The following DHX37 variants were observed in gnomAD, a reference collection of about 807,000 sequenced individuals.
The protein encoded by DHX37 is probable ATP-dependent RNA helicase DHX37.
Under a neutral mutation model 134.3 loss-of-function variants are expected in DHX37, and 52 were observed. The ratio of observed to expected loss-of-function variants is 0.39; its 90% CI spans 0.31 to 0.49. The LOEUF (loss-of-function observed/expected upper bound fraction) is 0.49. Among genes scored for constraint, DHX37 ranks in the 20% least tolerant of loss-of-function variants. The pLI is 0.93. For missense variants in DHX37, 1,344 were observed against 1,580.8 expected, an observed-to-expected ratio of 0.85 and a Z score of 2.54; for synonymous variants, 634 against 670.7, an observed-to-expected ratio of 0.95 and a Z score of 0.85.
chr12:124,966,747 CA>C, intron 12 of DHX37, 45 bp downstream of exon 12: 1 of 1,592,024 alleles, frequency 6.3e-7, no homozygotes, highest in South Asian at 1.1e-5. Context: ...CCATCCTGGA[CA>C]ACGCAGCCTT....
Position 124,950,520 on chromosome 12 carries a change from G to T in DHX37, c.3014C>A (p.Pro1005Gln). 1 of 1,563,402 alleles carries T rather than the reference G, an allele frequency of 6.4e-7. No individual in the cohort carries two copies. The highest frequency in any genetic ancestry group is 1.2e-5 in the South Asian group (1 of 83,418). Residue 1005 changes from proline (P) to glutamine (Q), a missense_variant, in exon 23 of 27, where the codon CCG (proline) becomes CAG (glutamine). Physicochemically the swap from Pro to Gln is moderately conservative, Grantham distance 76 (BLOSUM62 -1). Transcript: ENST00000308736. Reference sequence around the variant, plus strand: ...CTGGCAGTAAGAGGGCAGCAGGGCCGGGATCCACTGGACCTCCACGCTAGA... The same window carrying T: ...CTGGCAGTAAGAGGGCAGCAGGGCCTGGATCCACTGGACCTCCACGCTAGA... ...GVSSVEVQWI[P>Q]ALLPSYCQFD...
rs770948523 is a variant in DHX37, at chr12:124,966,786, C to T, written c.1590+7G>A. 5 of 1,614,242 alleles carry T rather than the reference C, an allele frequency of 3.1e-6. 1 individual carries two copies. In the African/African-American group the frequency reaches 4.0e-5, roughly 13 times the overall value. On this transcript the variant is annotated splice_region_variant and intron_variant, in intron 12 of 26. Coordinates refer to ENST00000308736, the MANE Select transcript of DHX37 (RefSeq NM_032656.4). ...TCTCCAGGAGTCCCTGCCAGCCCCC[C>T]ACGTACCTCAGCCCGCGCCTTCTTG...
At chr12:124,960,128 T>C (rs1217712051) in intron 16 of DHX37, among the ~76,000 whole-genome samples, 184 bp downstream of exon 16, 1 of 152,202 alleles carries the variant, frequency 6.6e-6, no homozygotes, top group Non-Finnish European at 1.5e-5. Flanking sequence ...CCACGGGCGA[T>C]GCAGCACTGG....
At position 124,965,809 on chromosome 12, in the gene DHX37, G is replaced by T. The variant is rs756105103; in HGVS notation, c.1594C>A (p.Leu532Met). The change falls in exon 13 of 27, where the codon CTG becomes ATG. Residue 532 changes from leucine (L) to methionine (M), a missense_variant. Leu to Met is a conservative substitution (Grantham distance 15, BLOSUM62 2). Coordinates refer to ENST00000308736, the MANE Select transcript of DHX37 (RefSeq NM_032656.4). ...TAATGATCCAAGTTGATCTGGGGCA[G>T]CACCTACGGCGAACAAGACATAGAC... The part of the protein sequence containing the change: ...ARAKKARAEV[L>M]PQINLDHYSV... The T allele has an allele frequency of 3.7e-6, 6 of 1,613,020 alleles. No individual in the cohort carries two copies. The highest frequency in any genetic ancestry group is 8.5e-7 in the Non-Finnish European group (1 of 1,179,426).
chr12:124,955,047 G>A (rs1018551895), intron 18 of DHX37, among the ~76,000 whole-genome samples: 2 of 152,238 alleles, frequency 1.3e-5, no homozygotes, highest in African/African-American at 2.4e-5. Flanking sequence ...CTAGCATCAC[G>A]TGGGAGTCTT....
At chr12:124,974,924 G>C (rs770545673) in intron 6 of DHX37, among the ~76,000 whole-genome samples, 2 of 152,048 alleles carry the variant, frequency 1.3e-5, no homozygotes, top group Non-Finnish European at 2.9e-5. Flanking sequence ...TTACAGGCAT[G>C]TGCCACCACA....
chr12:124,952,690 A>T (rs6488960), intron 20 of DHX37, 120 bp from the exon 21 acceptor site: 1 of 1,114,326 alleles, frequency 9.0e-7, no homozygotes, highest in Non-Finnish European at 1.2e-6. Flanking sequence ...GCTTGTCTCA[A>T]CCCCTCCCCA....
Position 124,965,760 on chromosome 12 carries a change from C to T in DHX37, c.1643G>A (p.Gly548Asp). ...CACTTCTGCCTCCCTGTCCTCATCG[C>T]CTTCGCCTGCCGGTAACACCGAGTA... Reference protein sequence around the residue: ...DHYSVLPAGEGDEDREAEVDE... With the variant: ...DHYSVLPAGEDDEDREAEVDE... Residue 548 changes from glycine to aspartate, a missense_variant, in exon 13 of 27, where the codon GGC (glycine) becomes GAC (aspartate). Gly to Asp is a moderately conservative substitution (Grantham distance 94). This residue lies in a region of DHX37 where 289 missense variants were observed against 323.8 expected (regional missense o/e 0.89). Coordinates refer to ENST00000308736, the MANE Select transcript of DHX37 (RefSeq NM_032656.4). 6.2e-7 allele frequency: 1 copy of T among 1,613,740 alleles called. No individual in the cohort carries two copies. Among genetic ancestry groups the T allele is most frequent in the Non-Finnish European group, 8.5e-7 (1 of 1,179,926 alleles).
chr12:124,956,317 C>A (rs562200928), intron 18 of DHX37, among the ~76,000 whole-genome samples: 1 of 152,184 alleles, frequency 6.6e-6, no homozygotes, highest in Non-Finnish European at 1.5e-5. Context: ...CAGAAATGAC[C>A]CCTTTTATCA....
chr12:124,975,596 G>T lies in DHX37; in HGVS notation c.888-85C>A, dbSNP rs1954622189. The T allele has an allele frequency of 4.1e-6, 6 of 1,451,074 alleles. No individual in the cohort carries two copies. The South Asian group carries it at 7.1e-5, about 17-fold the overall frequency. The allele number at this position is 1,451,074 out of a possible 1,614,324, so 89.9% of individuals were successfully genotyped here. A position where few individuals can be genotyped will look rare whatever the true frequency, so the allele number is the denominator to read the frequency against. ...CTCATGCAGTTCCACAGCAAGATTT[G>T]CCATACTGACCTGGCGCTCACCCAG... On this transcript the variant is annotated intron_variant, in intron 5 of 26. Transcript: ENST00000308736.
chr12:124,953,724 G>C, intron 20 of DHX37, 156 bp downstream of exon 20: 1 of 1,312,040 alleles, frequency 7.6e-7, no homozygotes. Context: ...CCTTGTTCCT[G>C]GAAAAGCTCC....
chr12:124,987,342 CAAAT>C (rs1247502413), intron 1 of DHX37, among the ~76,000 whole-genome samples: 1 of 152,192 alleles, frequency 6.6e-6, no homozygotes, highest in African/African-American at 2.4e-5. Flanking sequence ...GGCTCCATCT[CAAAT>C]AAATAAATAA....
rs1287568026 is a variant in DHX37, at chr12:124,954,159, C to A, written c.2506G>T (p.Val836Leu). The change falls in exon 19 of 27, where the codon GTG (valine) becomes TTG (leucine). Residue 836 changes from valine to leucine, a missense_variant. This residue lies in a region of DHX37 where 558 missense variants were observed against 650.0 expected (regional missense o/e 0.86). Coordinates refer to ENST00000308736, the MANE Select transcript of DHX37 (RefSeq NM_032656.4). ...LTRLKSKRAR[V>L]AQMKRTWAGQ... is the part of the protein sequence containing the mutation. ...GCCCAGGTCCTCTTCATCTGGGCCA[C>A]CCGGGCCCGCTTGCTCTTCAGCCTG... 14 of 1,612,230 alleles carry A rather than the reference C, an allele frequency of 8.7e-6. No homozygotes were observed. Among genetic ancestry groups the A allele is most frequent in the Non-Finnish European group, 1.2e-5 (14 of 1,179,292 alleles).
Position 124,950,447 on chromosome 12 carries a change from C to G in DHX37, c.3087G>C (p.Arg1029=). 3 of 1,591,438 alleles carry G rather than the reference C, an allele frequency of 1.9e-6. No homozygotes were observed. The highest frequency in any genetic ancestry group is 2.6e-6 in the Non-Finnish European group (3 of 1,168,272). The change falls in exon 23 of 27, where the codon CGG becomes CGC. Residue 1029 remains arginine (R), a synonymous_variant. Transcript: ENST00000308736. ...EEPAPTYCPE[R]GRVLCHRASV... ...TGGCCCGGTGACACAGCACCCGCCC[C>G]CGCTCGGGGCAGTATGTAGGGGCTG...
At chr12:124,966,054 T>C (rs977954570) in intron 12 of DHX37, among the ~76,000 whole-genome samples, 1 of 152,204 alleles carries the variant, frequency 6.6e-6, no homozygotes, top group Non-Finnish European at 1.5e-5. Flanking sequence ...GTGAGGAACC[T>C]GGATCGCTGC....
At position 124,964,370 on chromosome 12, in the gene DHX37, TGAG is replaced by T. The variant is rs1200642901; in HGVS notation, c.2045+21_2045+23del. On this transcript the variant is annotated intron_variant, in intron 15 of 26. Transcript: ENST00000308736. The stretch of plus-strand genomic sequence containing the variant: ...TATTGCAAGGCGGCACCAACGTCCC[TGAG>T]GAGGAGCCTGGGTGACCCACCTGTA... 1.6e-5 allele frequency: 25 copies of T among 1,611,144 alleles called. No individual in the cohort carries two copies. In the East Asian group the frequency reaches 4.7e-4, roughly 30 times the overall value.
Position 124,965,866 on chromosome 12 carries a change from C to A in DHX37, c.1591-54G>T, listed in dbSNP as rs527329073. On this transcript the variant is annotated intron_variant, in intron 12 of 26. Transcript: ENST00000308736. The stretch of plus-strand genomic sequence containing the variant: ...GCTGCAGGGATCCTGGGTGTGAGGA[C>A]GTGGCACGTGCAGGAAGACAGGTGC... The A allele has an allele frequency of 1.9e-4, 293 of 1,579,118 alleles. 1 individual carries two copies. Among genetic ancestry groups the A allele is most frequent in the Non-Finnish European group, 2.1e-4 (244 of 1,159,150 alleles).
At chr12:124,956,639 G>A in intron 18 of DHX37, 52 bp downstream of exon 18, 1 of 1,483,104 alleles carries the variant, frequency 6.7e-7, no homozygotes, top group Non-Finnish European at 9.0e-7. Context: ...TCAGCCCAGA[G>A]CCCCCGTCGG....
At chr12:124,982,413 T>C in intron 3 of DHX37, 98 bp downstream of exon 3, 1 of 1,469,806 alleles carries the variant, frequency 6.8e-7, no homozygotes, top group South Asian at 1.3e-5. Context: ...AAAGGTATTT[T>C]CTCAAATGTT....
Sources: allele counts gnomAD v4.1 joint callset (sites outside exome capture counted in the v4.1 genomes callset), GRCh38; gene constraint gnomAD v4.1.1; regional missense constraint gnomAD v4.1.1; transcripts MANE v1.5; gene names NCBI Gene and HGNC (gene_info 2026-07-23, HGNC 2026-07-21).